The following NCALD variants were observed in gnomAD, a reference collection of about 807,000 sequenced individuals.
NCALD encodes neurocalcin delta.
A neutral mutation model predicts 18.6 loss-of-function variants in NCALD; 10 were observed. That is an observed-to-expected ratio of 0.54 (90% CI 0.33 to 0.91). The LOEUF (loss-of-function observed/expected upper bound fraction) is 0.91. Among genes scored for constraint, NCALD ranks in the 40% least tolerant of loss-of-function variants. The pLI is 0.03. For synonymous variants in NCALD, 88 were observed against 87.4 expected, an observed-to-expected ratio of 1.01 and a Z score of -0.04; for missense variants, 184 against 247.6, an observed-to-expected ratio of 0.74 and a Z score of 1.72.
At chr8:101,996,011 G>A (rs1387259532) in intron 2 of NCALD, among the ~76,000 whole-genome samples, 1 of 152,214 alleles carries the variant, frequency 6.6e-6, no homozygotes, top group African/African-American at 2.4e-5. Flanking sequence ...GCAGCAGCAA[G>A]GTAATAAAGC....
chr8:101,937,116 A>C (rs1818791672), intron 2 of NCALD, among the ~76,000 whole-genome samples: 1 of 152,198 alleles, frequency 6.6e-6, no homozygotes, highest in Non-Finnish European at 1.5e-5. Context: ...AACCAAGAAG[A>C]ACCTAACAAA....
intron 4 of NCALD, among the ~76,000 whole-genome samples, chr8:101,832,170 T>A (rs1316421069): frequency 2.0e-5 from 3 of 152,176 alleles, no homozygotes; most frequent in Non-Finnish European, 4.4e-5. Flanking sequence ...CTGACTTAGA[T>A]GCTTCCAATC....
chr8:101,957,297 T>TTG (rs1262076414), intron 2 of NCALD, among the ~76,000 whole-genome samples: 176 of 144,190 alleles, frequency 1.2e-3, no homozygotes, highest in African/African-American at 4.3e-3. Context: ...GGGTTTTTTT[T>TTG]TTTTTTTTTT....
intron 4 of NCALD, among the ~76,000 whole-genome samples, chr8:101,801,693 A>G (rs548230930): frequency 1.3e-3 from 124 of 92,362 alleles, no homozygotes; most frequent in Non-Finnish European, 2.1e-3. Context: ...TTGAGACGGA[A>G]TCTCCCTCTG....
chr8:101,690,551 T>A (rs1814680470), intron 3 of NCALD: 1 of 985,068 alleles, frequency 1.0e-6, no homozygotes, highest in African/African-American at 1.8e-5. Flanking sequence ...CTCAACTTAC[T>A]CCAAACCTGA....
At chr8:101,851,453 GCT>G (rs1815088135) in intron 4 of NCALD, among the ~76,000 whole-genome samples, 1 of 151,784 alleles carries the variant, frequency 6.6e-6, no homozygotes, top group Admixed American at 6.6e-5. Flanking sequence ...GCCTACCCTA[GCT>G]CTCTTGCCTA....
At chr8:102,052,229 T>A (rs550746059) in intron 1 of NCALD, among the ~76,000 whole-genome samples, 1 of 152,308 alleles carries the variant, frequency 6.6e-6, no homozygotes, top group African/African-American at 2.4e-5. Flanking sequence ...GTGCTGCAGA[T>A]CTCAGTAATT....
chr8:101,740,443 A>G (rs1354441176), intron 1 of NCALD, among the ~76,000 whole-genome samples: 1 of 152,242 alleles, frequency 6.6e-6, no homozygotes, highest in Non-Finnish European at 1.5e-5. Context: ...TTTTATATGT[A>G]TAGCCAATAA....
chr8:101,808,856 A>T lies in NCALD; in HGVS notation c.-20+78285T>A, dbSNP rs933248779. On this transcript the variant is annotated intron_variant, in intron 4 of 6. Coordinates refer to the NCALD transcript ENST00000311028. The stretch of plus-strand genomic sequence containing the variant: ...GGAGAAAAGCTGCCATTTCAAGGCT[A>T]CATTGCTTTTCTATGGACTTTTACA... Among the ~76,000 whole-genome samples the T allele has an allele frequency of 1.7e-4, 26 of 152,156 alleles. 1 individual carries two copies. Among genetic ancestry groups the T allele is most frequent in the African/African-American group, 6.3e-4 (26 of 41,440 alleles).
At chr8:101,780,969 C>T (rs186351970) in intron 1 of NCALD, among the ~76,000 whole-genome samples, 1 of 152,168 alleles carries the variant, frequency 6.6e-6, no homozygotes, top group Non-Finnish European at 1.5e-5. Flanking sequence ...GGCTATAATC[C>T]GTAGGCTGTT....
intron 2 of NCALD, among the ~76,000 whole-genome samples, chr8:101,928,231 T>TC (rs1250284866): frequency 6.6e-5 from 10 of 152,204 alleles, no homozygotes; most frequent in Non-Finnish European, 1.3e-4. Context: ...CTTGAAAAGT[T>TC]CCCACAGCTA....
chr8:101,948,435 G>A (rs1819263579), intron 2 of NCALD, among the ~76,000 whole-genome samples: 1 of 152,166 alleles, frequency 6.6e-6, no homozygotes, highest in African/African-American at 2.4e-5. Flanking sequence ...TAAAACTTTA[G>A]ATATGAGGAG....
intron 4 of NCALD, among the ~76,000 whole-genome samples, chr8:101,856,773 C>T (rs1037710279): frequency 3.3e-5 from 5 of 152,116 alleles, no homozygotes; most frequent in African/African-American, 1.2e-4. Flanking sequence ...CAGATCCAGT[C>T]CTCAAACACA....
intron 3 of NCALD, among the ~76,000 whole-genome samples, chr8:101,891,765 A>T (rs912581291): frequency 3.3e-5 from 5 of 152,198 alleles, no homozygotes; most frequent in Non-Finnish European, 7.3e-5. Context: ...CGTACCTGGA[A>T]AATCAGGTCA....
intron 3 of NCALD, among the ~76,000 whole-genome samples, chr8:101,901,765 C>G (rs550119032): frequency 6.6e-6 from 1 of 151,614 alleles, no homozygotes; most frequent in East Asian, 1.9e-4. Flanking sequence ...TGTACTTACC[C>G]CATTTTTATT....
intron 1 of NCALD, among the ~76,000 whole-genome samples, chr8:102,099,676 G>T (rs1825212327): frequency 6.6e-6 from 1 of 151,762 alleles, no homozygotes; most frequent in Admixed American, 6.6e-5. Flanking sequence ...GGGCACCGTG[G>T]CTCACGCCTA....
At chr8:102,116,777 G>T (rs1825802653) in intron 1 of NCALD, among the ~76,000 whole-genome samples, 1 of 152,050 alleles carries the variant, frequency 6.6e-6, no homozygotes, top group African/African-American at 2.4e-5. Context: ...CAAAGTGCTG[G>T]GATTACAGAC....
intron 2 of NCALD, among the ~76,000 whole-genome samples, chr8:101,953,668 G>A (rs1037389697): frequency 2.1e-4 from 32 of 152,386 alleles, no homozygotes; most frequent in African/African-American, 7.2e-4. Context: ...ACTGCATTCA[G>A]TGAGATGGAA....
chr8:102,051,123 C>T (rs1176712190), intron 1 of NCALD, among the ~76,000 whole-genome samples: 1 of 152,090 alleles, frequency 6.6e-6, no homozygotes, highest in African/African-American at 2.4e-5. Flanking sequence ...TGTCTCTCAA[C>T]CCCCAATAGT....
Sources: allele counts gnomAD v4.1 joint callset (sites outside exome capture counted in the v4.1 genomes callset), GRCh38; gene constraint gnomAD v4.1.1; transcripts MANE v1.5; gene names NCBI Gene and HGNC (gene_info 2026-07-23, HGNC 2026-07-21).